Variants in DPP6 observed in about 807,000 individuals in gnomAD.
DPP6 encodes the protein A-type potassium channel modulatory protein DPP6.
DPP6 carries 69 observed loss-of-function variants against 122.6 expected under a neutral mutation model. The observed-to-expected ratio is 0.56, with a 90% CI of 0.46 to 0.69. DPP6 has a LOEUF of 0.69. Among genes scored for constraint, DPP6 ranks in the 30% least tolerant of loss-of-function variants. DPP6 has a pLI of 0.00. For missense variants in DPP6, 928 were observed against 1,116.9 expected (o/e 0.83, Z 2.41); for synonymous variants, 418 against 433.1 (o/e 0.97, Z 0.43).
intron 1 of DPP6, among the ~76,000 whole-genome samples, chr7:154,132,012 A>G (rs1795307123): frequency 6.6e-6 from 1 of 152,198 alleles, no homozygotes; most frequent in Non-Finnish European, 1.5e-5. Flanking sequence ...TGAGGGACAA[A>G]TTTGGCAAGT....
chr7:154,255,269 G>T (rs1802586416), intron 1 of DPP6, among the ~76,000 whole-genome samples: 3 of 152,172 alleles, frequency 2.0e-5, no homozygotes, highest in Admixed American at 1.3e-4. Flanking sequence ...TCACATTCTG[G>T]AAACAGAAAT....
At chr7:154,109,776 T>TGGAG (rs1806438702) in intron 1 of DPP6, among the ~76,000 whole-genome samples, 1 of 141,406 alleles carries the variant, frequency 7.1e-6, no homozygotes. Flanking sequence ...TGTCCCCCAG[T>TGGAG]GGAGGGCACT....
chr7:154,668,197 T>TTATATTTATATATATATATA (rs1838290440), intron 6 of DPP6, among the ~76,000 whole-genome samples: 1 of 36,476 alleles, frequency 2.7e-5, no homozygotes, highest in Non-Finnish European at 7.7e-5. Context: ...TGTGTATATT[T>TTATATTTATATATATATATA]TATATATATA....
chr7:154,357,905 G>A (rs1811404239), intron 1 of DPP6, among the ~76,000 whole-genome samples: 1 of 150,596 alleles, frequency 6.6e-6, no homozygotes, highest in Admixed American at 6.6e-5. Context: ...TTGCACCATT[G>A]TACTCCAGCC....
intron 5 of DPP6, among the ~76,000 whole-genome samples, chr7:154,573,734 A>G (rs1249565661): frequency 6.6e-6 from 1 of 152,272 alleles, no homozygotes; most frequent in Non-Finnish European, 1.5e-5. Flanking sequence ...GTGTTTTCAC[A>G]TAGCTCTTAG....
chr7:154,036,017 CGCTTGTGTGTGTGTGT>C (rs941529075), intron 1 of DPP6, among the ~76,000 whole-genome samples: 5 of 104,524 alleles, frequency 4.8e-5, no homozygotes, highest in African/African-American at 1.8e-4. Flanking sequence ...TACGCGCGCG[CGCTTGTGTGTGTGTGT>C]GTGTGTGTGT....
chr7:154,432,654 T>C (rs1190209211), intron 1 of DPP6, among the ~76,000 whole-genome samples: 1 of 152,222 alleles, frequency 6.6e-6, no homozygotes, highest in African/African-American at 2.4e-5. Context: ...TTGGTTATTG[T>C]CATTATTGTT....
At chr7:154,065,451 G>A (rs1045907759) in intron 1 of DPP6, among the ~76,000 whole-genome samples, 2 of 151,556 alleles carry the variant, frequency 1.3e-5, no homozygotes, top group African/African-American at 4.9e-5. Flanking sequence ...ATTCCCCCCA[G>A]TAAGAACAAA....
At chr7:153,969,592 C>A (rs1046121834) in intron 1 of DPP6, among the ~76,000 whole-genome samples, 2 of 148,024 alleles carry the variant, frequency 1.4e-5, no homozygotes, top group Admixed American at 6.6e-5. Context: ...TGGACTTTCC[C>A]CTGAGATTGT....
chr7:153,893,734 C>T (rs748279707), intron 1 of DPP6, among the ~76,000 whole-genome samples: 1 of 152,176 alleles, frequency 6.6e-6, no homozygotes, highest in South Asian at 2.1e-4. Context: ...AAATGTTTTA[C>T]TTGGGAAGCA....
intron 1 of DPP6, among the ~76,000 whole-genome samples, chr7:154,163,905 A>G (rs201121477): frequency 5.9e-3 from 791 of 133,348 alleles, no homozygotes; most frequent in Middle Eastern, 0.012. Flanking sequence ...CTGTCCTCAG[A>G]GACAAGAGTC....
chr7:154,705,852 G>A (rs1840801064), intron 7 of DPP6, among the ~76,000 whole-genome samples: 2 of 152,252 alleles, frequency 1.3e-5, no homozygotes, highest in African/African-American at 4.8e-5. Flanking sequence ...GTAGAATAGA[G>A]CAACTGTAGC....
intron 1 of DPP6, among the ~76,000 whole-genome samples, chr7:154,100,969 C>G (rs547758794): frequency 7.1e-6 from 1 of 140,034 alleles, no homozygotes; most frequent in Non-Finnish European, 1.6e-5. Context: ...TCCCCGTGAC[C>G]GTGCAGCGTG....
At chr7:154,195,742 T>A (rs949315144) in intron 1 of DPP6, among the ~76,000 whole-genome samples, 1 of 152,190 alleles carries the variant, frequency 6.6e-6, no homozygotes, top group Non-Finnish European at 1.5e-5. Context: ...TAGGTGATAT[T>A]TCCAAAAAAT....
chr7:154,245,897 A>G (rs966437400), intron 1 of DPP6, among the ~76,000 whole-genome samples: 1 of 152,168 alleles, frequency 6.6e-6, no homozygotes, highest in Non-Finnish European at 1.5e-5. Flanking sequence ...GCATAATTTC[A>G]GTAAGTATAT....
intron 5 of DPP6, among the ~76,000 whole-genome samples, chr7:154,595,993 A>G (rs1833069065): frequency 6.6e-6 from 1 of 151,942 alleles, no homozygotes; most frequent in Admixed American, 6.5e-5. Flanking sequence ...CCCAGGAGGC[A>G]GAGGTTACAG....
At chr7:153,780,859 G>A in the DPP6 span, among the ~76,000 whole-genome samples, 1 of 152,034 alleles carries the variant, frequency 6.6e-6, no homozygotes, top group Non-Finnish European at 1.5e-5. Context: ...ACAAACATGT[G>A]GGCCTTCAAT....
At chr7:154,876,353 A>T (rs950583493) in intron 20 of DPP6, 2 of 597,018 alleles carry the variant, frequency 3.3e-6, no homozygotes, top group African/African-American at 3.8e-5. Context: ...AGGGGATAGA[A>T]ATTGCCGGTT....
chr7:153,825,570 T>C, the DPP6 span, among the ~76,000 whole-genome samples: 1 of 152,302 alleles, frequency 6.6e-6, no homozygotes, highest in East Asian at 1.9e-4. Context: ...TGTTTTCTTT[T>C]CTTTATTTTT....
Sources: gnomAD v4.1 joint callset for allele counts (sites outside exome capture counted in the v4.1 genomes callset) on GRCh38, gnomAD v4.1.1 for gene constraint, MANE v1.5 for transcripts, NCBI Gene and HGNC (gene_info 2026-07-23, HGNC 2026-07-21) for gene names.